Variants in PCDH9 observed in about 807,000 individuals in gnomAD.
The protein encoded by PCDH9 is protocadherin-9.
In PCDH9, 24 loss-of-function variants were observed where a neutral mutation model predicts 70.6. That is an observed-to-expected ratio of 0.34 (90% CI 0.25 to 0.48). The LOEUF is 0.48. Ranked by LOEUF, PCDH9 falls within the 20% of genes least tolerant of loss-of-function variation. PCDH9 has a pLI of 0.99. For missense variants in PCDH9, 1,281 were observed against 1,503.6 expected (o/e 0.85, Z 2.45); for synonymous variants, 562 against 558.5 (o/e 1.01, Z -0.09).
chr13:66,957,683 TTCTC>T (rs2083285072), intron 2 of PCDH9, among the ~76,000 whole-genome samples: 3 of 152,066 alleles, frequency 2.0e-5, no homozygotes, highest in South Asian at 2.1e-4. Flanking sequence ...ACCTCTCTCT[TTCTC>T]TCTCTCACTC....
Position 66,827,467 on chromosome 13 carries a change from C to G in PCDH9, c.3138+76037G>C, listed in dbSNP as rs1001488094. Among the ~76,000 whole-genome samples the G allele has an allele frequency of 9.2e-5, 14 of 152,034 alleles. No individual in the cohort carries two copies. In the East Asian group the frequency reaches 2.7e-3, roughly 29 times the overall value. On this transcript the variant is annotated intron_variant, in intron 3 of 4. Transcript: ENST00000377865. ...AGTGAAGAAAAAAAATAAAGGCTCT[C>G]AGAGGCTTCTATAATACTCTAAGCA...
At chr13:66,316,060 G>A (rs1955646664) in intron 4 of PCDH9, among the ~76,000 whole-genome samples, 1 of 152,026 alleles carries the variant, frequency 6.6e-6, no homozygotes, top group Non-Finnish European at 1.5e-5. Flanking sequence ...GATTCCTGTG[G>A]TCATCTATGT....
chr13:66,501,136 T>C (rs1439837467), intron 4 of PCDH9, among the ~76,000 whole-genome samples: 2 of 152,164 alleles, frequency 1.3e-5, no homozygotes, highest in Non-Finnish European at 2.9e-5. Context: ...TAAGAACTGC[T>C]AAAAATAAAA....
intron 3 of PCDH9, among the ~76,000 whole-genome samples, chr13:66,711,770 T>C (rs756747952): frequency 1.4e-4 from 21 of 152,162 alleles, no homozygotes; most frequent in Non-Finnish European, 2.8e-4. Context: ...ATGTTAGCCA[T>C]GAGCTCTTTG....
intron 4 of PCDH9, among the ~76,000 whole-genome samples, chr13:66,599,769 C>A (rs911719090): frequency 6.6e-6 from 1 of 151,750 alleles, no homozygotes; most frequent in African/African-American, 2.4e-5. Context: ...AGATTGTACT[C>A]TTTTTAATTG....
intron 3 of PCDH9, among the ~76,000 whole-genome samples, chr13:66,667,462 C>A (rs1329127338): frequency 6.6e-6 from 1 of 152,048 alleles, no homozygotes; most frequent in East Asian, 1.9e-4. Flanking sequence ...CTTTTGAGAA[C>A]CTGTTGAAAT....
At chr13:66,675,271 G>A (rs2078227459) in intron 3 of PCDH9, among the ~76,000 whole-genome samples, 1 of 152,066 alleles carries the variant, frequency 6.6e-6, no homozygotes, top group Non-Finnish European at 1.5e-5. Context: ...AGTTTCTTGT[G>A]CCTTTGTCCA....
At chr13:66,440,916 C>T (rs968094617) in intron 4 of PCDH9, among the ~76,000 whole-genome samples, 1 of 152,092 alleles carries the variant, frequency 6.6e-6, no homozygotes, top group Admixed American at 6.6e-5. Context: ...CACGGAAACA[C>T]ACAGATTCTG....
At chr13:66,739,859 C>T (rs1337204395) in intron 3 of PCDH9, among the ~76,000 whole-genome samples, 1 of 131,972 alleles carries the variant, frequency 7.6e-6, no homozygotes, top group African/African-American at 2.8e-5. Flanking sequence ...GAGTGACCTA[C>T]AAAGAGACTT....
intron 4 of PCDH9, among the ~76,000 whole-genome samples, chr13:66,342,713 G>A (rs149993352): frequency 5.8e-4 from 88 of 152,180 alleles, no homozygotes; most frequent in African/African-American, 2.1e-3. Context: ...AGGTTTGAGC[G>A]ATTCTCCCTT....
chr13:66,593,565 A>G lies in PCDH9; in HGVS notation c.3340+37645T>C, dbSNP rs993028169. 3.3e-5 allele frequency among the ~76,000 whole-genome samples: 5 copies of G among 151,818 alleles called. No individual in the cohort carries two copies. The South Asian group carries it at 1.0e-3, about 32-fold the overall frequency. On this transcript the variant is annotated intron_variant, in intron 4 of 4. Coordinates refer to ENST00000377865, the MANE Select transcript of PCDH9 (RefSeq NM_203487.3). Reference sequence around the variant, plus strand: ...ATTTGTAAGAAGCAGAAAACATTAAAATACCTCGTGGTTTTTCTTATAGGA... The same window carrying G: ...ATTTGTAAGAAGCAGAAAACATTAAGATACCTCGTGGTTTTTCTTATAGGA...
At chr13:66,597,267 A>G (rs1279948989) in intron 4 of PCDH9, among the ~76,000 whole-genome samples, 1 of 151,466 alleles carries the variant, frequency 6.6e-6, no homozygotes, top group East Asian at 1.9e-4. Context: ...AAAAAATCCA[A>G]TAATTAATAA....
chr13:66,781,881 C>G (rs1380728904), intron 3 of PCDH9, among the ~76,000 whole-genome samples: 1 of 8,676 alleles, frequency 1.2e-4, no homozygotes, highest in Non-Finnish European at 2.5e-3. Flanking sequence ...GGCTACATCT[C>G]GGGCTCAATC....
chr13:66,652,994 T>C (rs565824503), intron 3 of PCDH9, among the ~76,000 whole-genome samples: 1 of 152,050 alleles, frequency 6.6e-6, no homozygotes, highest in South Asian at 2.1e-4. Context: ...AAACATCAAA[T>C]AAAAATGTAT....
intron 2 of PCDH9, among the ~76,000 whole-genome samples, chr13:67,199,928 C>T (rs1313146251): frequency 6.6e-6 from 1 of 151,936 alleles, no homozygotes; most frequent in Non-Finnish European, 1.5e-5. Flanking sequence ...CCAAATGGAC[C>T]TGAGTAAATT....
chr13:66,902,292 A>G (rs2082288534), intron 3 of PCDH9, among the ~76,000 whole-genome samples: 1 of 151,752 alleles, frequency 6.6e-6, no homozygotes, highest in Admixed American at 6.6e-5. Context: ...AAAAATATGC[A>G]GAGAATTAGG....
chr13:66,712,493 T>C (rs901026889), intron 3 of PCDH9, among the ~76,000 whole-genome samples: 2 of 152,112 alleles, frequency 1.3e-5, no homozygotes, highest in African/African-American at 4.8e-5. Flanking sequence ...ACAATTCTTA[T>C]AATAGGCATG....
At chr13:66,683,361 C>T (rs1680600272) in intron 3 of PCDH9, among the ~76,000 whole-genome samples, 1 of 152,172 alleles carries the variant, frequency 6.6e-6, no homozygotes, top group South Asian at 2.1e-4. Context: ...ACATTGCCTT[C>T]AATAGCAAAC....
intron 4 of PCDH9, among the ~76,000 whole-genome samples, chr13:66,585,741 T>TTTTC (rs1204388948): frequency 2.6e-5 from 4 of 152,084 alleles, no homozygotes; most frequent in African/African-American, 9.7e-5. Flanking sequence ...ACACTGGTCT[T>TTTTC]TTTCTTTCTT....
Sources: gnomAD v4.1 joint callset for allele counts (sites outside exome capture counted in the v4.1 genomes callset) on GRCh38, gnomAD v4.1.1 for gene constraint, MANE v1.5 for transcripts, NCBI Gene and HGNC (gene_info 2026-07-23, HGNC 2026-07-21) for gene names.